The following KATNBL1 variants were observed in gnomAD, a reference collection of about 807,000 sequenced individuals.
KATNBL1 encodes the protein katanin regulatory subunit B1 like 1.
KATNBL1 carries 28 observed loss-of-function variants against 44.7 expected under a neutral mutation model. The observed-to-expected ratio is 0.63, with a 90% confidence interval of 0.46 to 0.86. The LOEUF (loss-of-function observed/expected upper bound fraction) is 0.86, where lower values mean the gene tolerates loss of function less well. Ranked by LOEUF, KATNBL1 falls within the 40% of genes least tolerant of loss-of-function variation. The pLI is 0.00. For synonymous variants in KATNBL1, 78 were observed against 114.9 expected, an observed-to-expected ratio of 0.68 and a Z score of 2.06; for missense variants, 272 against 350.7, an observed-to-expected ratio of 0.78 and a Z score of 1.79.
At chr15:34,142,711 A>G in intron 9 of KATNBL1, 2 of 253,582 alleles carry the variant, frequency 7.9e-6, no homozygotes, top group Non-Finnish European at 1.5e-5. Context: ...AGCCTCTTTC[A>G]ATTTCTTTCT....
chr15:34,178,631 T>C lies in KATNBL1; in HGVS notation c.-14-14941A>G, dbSNP rs1016231973. ...ATTAGCCAGGTGTGGTGGTGGGCAC[T>C]TGTAGTCCCAGCTACTTGGGAGGCT... On this transcript the variant is annotated intron_variant, in intron 1 of 9. Transcript: ENST00000256544. Among the ~76,000 whole-genome samples the C allele has an allele frequency of 5.9e-5, 9 of 151,876 alleles. No individual in the cohort carries two copies. In the South Asian group the frequency reaches 6.2e-4, roughly 11 times the overall value.
chr15:34,151,585 G>A (rs1038507798), intron 4 of KATNBL1, among the ~76,000 whole-genome samples: 11 of 151,394 alleles, frequency 7.3e-5, no homozygotes, highest in African/African-American at 2.7e-4. Context: ...CCAAGTAGCT[G>A]GCATTACAGG....
At chr15:34,195,690 C>CAAAAAA (rs5811824) in intron 1 of KATNBL1, among the ~76,000 whole-genome samples, 1 of 111,442 alleles carries the variant, frequency 9.0e-6, no homozygotes, top group African/African-American at 3.7e-5. Context: ...GACGCCATCT[C>CAAAAAA]AAAAAAAAAA....
chr15:34,152,294 G>T (rs1888504404), intron 4 of KATNBL1, among the ~76,000 whole-genome samples: 1 of 151,442 alleles, frequency 6.6e-6, no homozygotes, highest in Admixed American at 6.6e-5. Flanking sequence ...TCTGCCTCCC[G>T]GGTTCAAGCG....
In KATNBL1 at chr15:34,204,989, GTT is replaced by G. The variant is rs565440431; in HGVS notation, c.-15+4960_-15+4961del. Among the ~76,000 whole-genome samples, 289 of 136,360 alleles carry G rather than the reference GTT, an allele frequency of 2.1e-3. 1 individual carries two copies. The highest frequency in any genetic ancestry group is 7.3e-3 in the African/African-American group (274 of 37,462). 89.5% of individuals were successfully genotyped at this position (136,360 alleles called of 152,430 possible). On this transcript the variant is annotated intron_variant, in intron 1 of 9. Transcript: ENST00000256544. ...TGGAACAGGAAGGCAAAGAGGGACA[GTT>G]TTTTTTTTTTTTTTTTCCTTTAAGA...
At chr15:34,147,577 G>T in intron 5 of KATNBL1, 147 bp from the exon 6 acceptor site, 1 of 395,112 alleles carries the variant, frequency 2.5e-6, no homozygotes, top group Non-Finnish European at 4.5e-6. Flanking sequence ...ATACAGCAAT[G>T]AACAAAGACA....
intron 1 of KATNBL1, among the ~76,000 whole-genome samples, chr15:34,174,397 A>G (rs1252852070): frequency 6.6e-6 from 1 of 152,206 alleles, no homozygotes; most frequent in African/African-American, 2.4e-5. Flanking sequence ...AAAATAACAA[A>G]CCAACAAATA....
At chr15:34,157,954 G>A (rs1888686833) in intron 2 of KATNBL1, among the ~76,000 whole-genome samples, 1 of 152,138 alleles carries the variant, frequency 6.6e-6, no homozygotes. Context: ...ATTAGCAGTT[G>A]CACTTGAAAG....
Position 34,155,377 on chromosome 15 carries a change from G to A in KATNBL1, c.118-693C>T, listed in dbSNP as rs552852816. Among the ~76,000 whole-genome samples the A allele has an allele frequency of 9.9e-4, 151 of 152,260 alleles. 1 individual carries two copies. Among genetic ancestry groups the A allele is most frequent in the Non-Finnish European group, 1.9e-3 (130 of 68,018 alleles). On this transcript the variant is annotated intron_variant, in intron 2 of 9. Transcript: ENST00000256544. The stretch of plus-strand genomic sequence containing the variant: ...AGAAGTTTTAGTAAGGGCTGTTTCT[G>A]TATGTCTTTGGACTAGCCCACGGAT...
intron 1 of KATNBL1, among the ~76,000 whole-genome samples, chr15:34,193,851 C>A (rs1387575388): frequency 7.9e-5 from 5 of 63,562 alleles, no homozygotes; most frequent in African/African-American, 1.9e-4. Context: ...GGCCCTGTCT[C>A]AAAAAAAAAA....
intron 2 of KATNBL1, among the ~76,000 whole-genome samples, chr15:34,157,019 C>T (rs1597432248): frequency 6.6e-6 from 1 of 152,338 alleles, no homozygotes; most frequent in East Asian, 1.9e-4. Flanking sequence ...CCCAAGCTAA[C>T]TTATCCCAGT....
intron 2 of KATNBL1, among the ~76,000 whole-genome samples, chr15:34,156,258 T>C (rs922780806): frequency 1.3e-5 from 2 of 152,194 alleles, no homozygotes; most frequent in Admixed American, 6.5e-5. Context: ...AGAAGCTGGA[T>C]GGCCCTCGGG....
At chr15:34,163,456 A>G in intron 2 of KATNBL1, 104 bp downstream of exon 2, 1 of 1,324,512 alleles carries the variant, frequency 7.5e-7, no homozygotes, top group Non-Finnish European at 1.0e-6. Flanking sequence ...TGGGAGATTA[A>G]GCAGAATTAT....
chr15:34,192,460 A>G (rs1889904391), intron 1 of KATNBL1, among the ~76,000 whole-genome samples: 1 of 152,142 alleles, frequency 6.6e-6, no homozygotes, highest in Admixed American at 6.6e-5. Flanking sequence ...AGGATACCAG[A>G]CTATTTCAGT....
intron 1 of KATNBL1, among the ~76,000 whole-genome samples, chr15:34,197,446 T>C (rs1890056216): frequency 6.6e-6 from 1 of 152,236 alleles, no homozygotes; most frequent in Non-Finnish European, 1.5e-5. Context: ...ACTCCGTAAA[T>C]GTTAGCTATT....
intron 3 of KATNBL1, among the ~76,000 whole-genome samples, chr15:34,153,319 T>A (rs902904620): frequency 6.6e-6 from 1 of 152,226 alleles, no homozygotes; most frequent in African/African-American, 2.4e-5. Flanking sequence ...ATAACCAGAA[T>A]GCTTTTAAAA....
At chr15:34,181,193 C>T (rs979911060) in intron 1 of KATNBL1, among the ~76,000 whole-genome samples, 4 of 152,020 alleles carry the variant, frequency 2.6e-5, no homozygotes, top group African/African-American at 7.2e-5. Flanking sequence ...ATATGCTGCA[C>T]GTTAAACTAT....
intron 4 of KATNBL1, among the ~76,000 whole-genome samples, chr15:34,149,202 G>A (rs1888395566): frequency 6.6e-6 from 1 of 152,144 alleles, no homozygotes; most frequent in African/African-American, 2.4e-5. Flanking sequence ...ACAGAACTAT[G>A]TAAGATAAAA....
At chr15:34,182,523 A>G (rs1889598141) in intron 1 of KATNBL1, among the ~76,000 whole-genome samples, 1 of 152,154 alleles carries the variant, frequency 6.6e-6, no homozygotes, top group African/African-American at 2.4e-5. Context: ...AGGAGTTACT[A>G]TTAAAAATTA....
Sources: allele counts gnomAD v4.1 joint callset (sites outside exome capture counted in the v4.1 genomes callset), GRCh38; gene constraint gnomAD v4.1.1; transcripts MANE v1.5; gene names NCBI Gene and HGNC (gene_info 2026-07-23, HGNC 2026-07-21).